The following CHRM2 variants were observed in gnomAD, a reference collection of about 807,000 sequenced individuals.
CHRM2 encodes cholinergic receptor muscarinic 2.
In CHRM2, 8 loss-of-function variants were observed where a neutral mutation model predicts 25.0. The observed-to-expected ratio is 0.32, with a 90% CI of 0.19 to 0.58. The LOEUF (loss-of-function observed/expected upper bound fraction) is 0.58. CHRM2 is among the 20% of genes least tolerant of loss of function. The pLI, the probability that CHRM2 is intolerant of heterozygous loss-of-function variation, is 0.88. For missense variants in CHRM2, 440 were observed against 567.1 expected (o/e 0.78, Z 2.28); for synonymous variants, 202 against 205.7 (o/e 0.98, Z 0.15).
At chr7:136,985,070 T>A (rs1012134328) in intron 2 of CHRM2, among the ~76,000 whole-genome samples, 1 of 152,172 alleles carries the variant, frequency 6.6e-6, no homozygotes, top group Non-Finnish European at 1.5e-5. Flanking sequence ...ATAAACTTTG[T>A]CATTGCTGTT....
chr7:136,954,459 A>C (rs193204548), intron 2 of CHRM2, among the ~76,000 whole-genome samples: 1 of 152,290 alleles, frequency 6.6e-6, no homozygotes, highest in African/African-American at 2.4e-5. Flanking sequence ...TTTCTCTAAG[A>C]TCTTACTAAA....
intron 2 of CHRM2, among the ~76,000 whole-genome samples, chr7:136,958,526 G>A: frequency 7.1e-6 from 1 of 140,178 alleles, no homozygotes; most frequent in Non-Finnish European, 1.5e-5. Flanking sequence ...GGCGATTACA[G>A]CTCACTGCCA....
chr7:136,929,934 AAAT>A (rs1324402447), intron 2 of CHRM2, among the ~76,000 whole-genome samples: 4 of 152,146 alleles, frequency 2.6e-5, no homozygotes, highest in African/African-American at 4.8e-5. Context: ...ATAGAAAAAT[AAAT>A]AATAACCAAA....
chr7:136,910,828 T>A (rs867194353), intron 2 of CHRM2, among the ~76,000 whole-genome samples: 1 of 148,724 alleles, frequency 6.7e-6, no homozygotes, highest in African/African-American at 2.6e-5. Flanking sequence ...TGTGTGTGTG[T>A]GTGAGAGAGA....
At chr7:136,891,200 C>G (rs1198559682) in intron 2 of CHRM2, among the ~76,000 whole-genome samples, 1 of 152,174 alleles carries the variant, frequency 6.6e-6, no homozygotes, top group Non-Finnish European at 1.5e-5. Flanking sequence ...AAAGTTCAAA[C>G]TTTAATCAGA....
At chr7:136,909,414 G>C (rs1374738991) in intron 2 of CHRM2, among the ~76,000 whole-genome samples, 1 of 151,850 alleles carries the variant, frequency 6.6e-6, no homozygotes, top group African/African-American at 2.4e-5. Context: ...GGCTGTTAAA[G>C]GGTTACTTTA....
chr7:136,920,049 C>T (rs926151926), intron 2 of CHRM2, among the ~76,000 whole-genome samples: 17 of 151,802 alleles, frequency 1.1e-4, no homozygotes, highest in African/African-American at 4.1e-4. Context: ...CCAGGGGATG[C>T]AGAAATATGG....
chr7:136,962,681 AACTTGCAAGATAAGTTTC>A (rs1801174914), intron 2 of CHRM2, among the ~76,000 whole-genome samples: 1 of 152,210 alleles, frequency 6.6e-6, no homozygotes. Context: ...ACCCAGTACA[AACTTGCAAGATAAGTTTC>A]ACCTGCCAGA....
Position 137,007,540 on chromosome 7 carries a change from T to A in CHRM2, c.-46-7280T>A, listed in dbSNP as rs1456328005. On this transcript the variant is annotated intron_variant, in intron 3 of 3. Coordinates refer to ENST00000680005, the MANE Select transcript of CHRM2 (RefSeq NM_001006630.2). ...ATAAAAAAGCTCTAAATATGTACAA[T>A]GACTCATAATGTGTTGCATGGCTCA... Among the ~76,000 whole-genome samples, 3 of 152,068 alleles carry A rather than the reference T, an allele frequency of 2.0e-5. No homozygotes were observed. In the East Asian group the frequency reaches 5.8e-4, roughly 29 times the overall value.
chr7:136,921,790 C>CTTTTTTTTTTTTTTTTTTTTTTTTTTTT (rs201063228), intron 2 of CHRM2, among the ~76,000 whole-genome samples: 8 of 113,980 alleles, frequency 7.0e-5, no homozygotes, highest in South Asian at 2.5e-4. Flanking sequence ...TTCTTTCTTT[C>CTTTTTTTTTTTTTTTTTTTTTTTTTTTT]TTTCTTTTTT....
chr7:136,963,180 G>T (rs2130901508), intron 2 of CHRM2, among the ~76,000 whole-genome samples: 1 of 152,310 alleles, frequency 6.6e-6, no homozygotes, highest in Non-Finnish European at 1.5e-5. Context: ...AAAGGAAACA[G>T]AAGGTAAGAC....
chr7:136,912,254 T>C (rs1797882117), intron 2 of CHRM2, among the ~76,000 whole-genome samples: 1 of 151,912 alleles, frequency 6.6e-6, no homozygotes, highest in South Asian at 2.1e-4. Context: ...GAAAAAATAA[T>C]CACTGGAATT....
chr7:137,013,193 T>C (rs910293647), intron 3 of CHRM2, among the ~76,000 whole-genome samples: 9 of 152,000 alleles, frequency 5.9e-5, no homozygotes, highest in African/African-American at 2.2e-4. Context: ...TTTTGCTCTA[T>C]GCAAAAATTT....
intron 2 of CHRM2, among the ~76,000 whole-genome samples, chr7:136,886,593 A>G (rs911925402): frequency 2.0e-5 from 3 of 152,168 alleles, no homozygotes; most frequent in African/African-American, 7.2e-5. Flanking sequence ...TGAGCCAGGC[A>G]CAGTGGCTCA....
At chr7:136,974,302 TG>T (rs1347630968) in intron 2 of CHRM2, among the ~76,000 whole-genome samples, 1 of 152,198 alleles carries the variant, frequency 6.6e-6, no homozygotes, top group Non-Finnish European at 1.5e-5. Flanking sequence ...TTCTATGTGC[TG>T]GATGCTGTGC....
intron 2 of CHRM2, among the ~76,000 whole-genome samples, chr7:136,942,557 G>A (rs1019572329): frequency 6.6e-6 from 1 of 152,156 alleles, no homozygotes; most frequent in Non-Finnish European, 1.5e-5. Flanking sequence ...TTCTTTCAGA[G>A]CTTGCATTCT....
At chr7:136,920,287 T>G (rs1798356337) in intron 2 of CHRM2, among the ~76,000 whole-genome samples, 1 of 152,186 alleles carries the variant, frequency 6.6e-6, no homozygotes, top group Admixed American at 6.5e-5. Context: ...AGCTCCTTTA[T>G]TTTATAGTTA....
chr7:136,949,983 A>T (rs1472171007), intron 2 of CHRM2, among the ~76,000 whole-genome samples: 1 of 152,174 alleles, frequency 6.6e-6, no homozygotes, highest in East Asian at 1.9e-4. Context: ...TGTAGACAGG[A>T]TCACATTTAT....
chr7:137,011,215 G>GTGTGTGTGTGTGTGTGTATATA, intron 3 of CHRM2, among the ~76,000 whole-genome samples: 1 of 134,284 alleles, frequency 7.4e-6, no homozygotes, highest in African/African-American at 3.2e-5. Context: ...GTGTGTGTGT[G>GTGTGTGTGTGTGTGTGTATATA]TATATATATA....
Sources: gnomAD v4.1 joint callset for allele counts (sites outside exome capture counted in the v4.1 genomes callset) on GRCh38, gnomAD v4.1.1 for gene constraint, MANE v1.5 for transcripts, NCBI Gene and HGNC (gene_info 2026-07-23, HGNC 2026-07-21) for gene names.